IQSEC1: variants seen among roughly 807,000 people sequenced by gnomAD.
IQSEC1 encodes the protein IQ motif and Sec7 domain ArfGEF 1.
In IQSEC1, 31 loss-of-function variants were observed where a neutral mutation model predicts 91.0. That is an observed-to-expected ratio of 0.34 (90% CI 0.26 to 0.46). The LOEUF (loss-of-function observed/expected upper bound fraction) is 0.46. IQSEC1 is among the 20% of genes least tolerant of loss of function. The pLI is 1.00. For missense variants in IQSEC1, 1,388 were observed against 1,575.6 expected, an observed-to-expected ratio of 0.88 and a Z score of 2.02; for synonymous variants, 699 against 662.6, an observed-to-expected ratio of 1.05 and a Z score of -0.84.
intron 1 of IQSEC1, among the ~76,000 whole-genome samples, chr3:13,057,020 G>T (rs1409203213): frequency 6.6e-6 from 1 of 151,994 alleles, no homozygotes; most frequent in Non-Finnish European, 1.5e-5. Flanking sequence ...CCCCTTATAG[G>T]ATTTCTTTAT....
In IQSEC1 at chr3:12,908,201, G is replaced by T; in HGVS notation, c.2755+148C>A. On this transcript the variant is annotated intron_variant, in intron 12 of 13. Transcript: ENST00000613206. This position sits in a 1 kb window ranked among gnomAD's most constrained non-coding sequence, Gnocchi z 4.9. ...GGGGCGCCCTTTCTGTATGTCACAC[G>T]CTGCTCTGCTTTGCGGAAGGTCAGG... 1.3e-6 allele frequency: 1 copy of T among 771,322 alleles called. No homozygotes were observed. Among genetic ancestry groups the T allele is most frequent in the Non-Finnish European group, 2.0e-6 (1 of 491,060 alleles). 47.8% of individuals were successfully genotyped at this position (771,322 alleles called of 1,614,324 possible).
chr3:13,216,951 C>A (rs1310057795), intron 1 of IQSEC1, among the ~76,000 whole-genome samples: 1 of 152,130 alleles, frequency 6.6e-6, no homozygotes, highest in Non-Finnish European at 1.5e-5. Context: ...ACGACGCAGG[C>A]AAGGTGAACA....
At chr3:13,011,726 T>C (rs1258679172) in intron 1 of IQSEC1, among the ~76,000 whole-genome samples, 3 of 152,264 alleles carry the variant, frequency 2.0e-5, no homozygotes, top group African/African-American at 7.2e-5. Flanking sequence ...TTCACACCCC[T>C]GTTCTGTAGG....
At chr3:12,927,194 T>C (rs188119409) in intron 3 of IQSEC1, among the ~76,000 whole-genome samples, 193 of 152,336 alleles carry the variant, frequency 1.3e-3, no homozygotes, top group Middle Eastern at 6.8e-3. Context: ...GGGTTTTCTT[T>C]GGCCCACACA....
intron 1 of IQSEC1, among the ~76,000 whole-genome samples, chr3:13,206,450 C>T (rs1225653579): frequency 6.6e-6 from 1 of 152,132 alleles, no homozygotes; most frequent in African/African-American, 2.4e-5. Flanking sequence ...ACGATATGCC[C>T]ATCAGAGTGG....
chr3:13,221,504 T>C (rs1694659452), intron 1 of IQSEC1, among the ~76,000 whole-genome samples: 1 of 152,150 alleles, frequency 6.6e-6, no homozygotes. Flanking sequence ...ACCTGTGGAC[T>C]CCCACCCCAA....
chr3:12,924,755 G>A lies in IQSEC1; in HGVS notation c.1569-13C>T, dbSNP rs539292549. Reference sequence around the variant, plus strand: ...CTTCTCAGGCTTCCTGGGGTAGGACGAGAGGCACACTCAGTCCCAGCTGCC... The same window carrying A: ...CTTCTCAGGCTTCCTGGGGTAGGACAAGAGGCACACTCAGTCCCAGCTGCC... On this transcript the variant is annotated splice_polypyrimidine_tract_variant and intron_variant, in intron 3 of 13. Coordinates refer to ENST00000613206, the MANE Select transcript of IQSEC1 (RefSeq NM_001134382.3). This position sits in a 1 kb window ranked among gnomAD's most constrained non-coding sequence, Gnocchi z 6.3. 1.2e-4 allele frequency: 183 copies of A among 1,551,688 alleles called. No homozygotes were observed. In the South Asian group the frequency reaches 1.3e-3, roughly 11 times the overall value.
At chr3:13,222,758 T>C (rs550098406) in intron 1 of IQSEC1, among the ~76,000 whole-genome samples, 1 of 152,184 alleles carries the variant, frequency 6.6e-6, no homozygotes, top group Admixed American at 6.5e-5. Context: ...CTCCTCAGAG[T>C]GCTCGATGTG....
At chr3:13,096,470 C>A (rs992834104) in intron 2 of IQSEC1, among the ~76,000 whole-genome samples, 1 of 152,206 alleles carries the variant, frequency 6.6e-6, no homozygotes, top group Non-Finnish European at 1.5e-5. Context: ...GATTCGCAGT[C>A]TAGCAAGAAT....
chr3:13,007,669 C>T (rs929588229), intron 1 of IQSEC1, among the ~76,000 whole-genome samples: 12 of 152,362 alleles, frequency 7.9e-5, no homozygotes, highest in Admixed American at 3.9e-4. Flanking sequence ...TCACCCATTT[C>T]GCACTTGAAA....
In IQSEC1 at chr3:12,927,420, C is replaced by A. The variant is rs138318982; in HGVS notation, c.1569-2678G>T. Among the ~76,000 whole-genome samples, 1,092 of 133,622 alleles carry A rather than the reference C, an allele frequency of 8.2e-3. 18 individuals are homozygous for A. Among genetic ancestry groups the A allele is most frequent in the African/African-American group, 0.034 (1,054 of 31,456 alleles). 87.7% of individuals were successfully genotyped at this position (133,622 alleles called of 152,430 possible). A position where few individuals can be genotyped will look rare whatever the true frequency, so the allele number is the denominator to read the frequency against. On this transcript the variant is annotated intron_variant, in intron 3 of 13. Coordinates refer to ENST00000613206, the MANE Select transcript of IQSEC1 (RefSeq NM_001134382.3). ...ACACAGGTGCATGCTCTAACTCCAC[C>A]CAGGCTGTCTGGTCCCTTCCCCACA...
chr3:13,124,103 G>T (rs924800814), intron 2 of IQSEC1, among the ~76,000 whole-genome samples: 1 of 152,194 alleles, frequency 6.6e-6, no homozygotes, highest in Non-Finnish European at 1.5e-5. Context: ...CAACTGCTTC[G>T]TTCCACAGAA....
intron 1 of IQSEC1, among the ~76,000 whole-genome samples, chr3:13,261,895 C>G (rs189575009): frequency 3.2e-4 from 48 of 152,362 alleles, no homozygotes; most frequent in African/African-American, 1.1e-3. Flanking sequence ...ATGCCGTGCT[C>G]TGGGATTTTA....
chr3:13,263,427 TGGGGGG>T (rs74458928), intron 1 of IQSEC1, among the ~76,000 whole-genome samples: 1 of 102,866 alleles, frequency 9.7e-6, no homozygotes, highest in African/African-American at 3.2e-5. Flanking sequence ...CTTTTTTTTT[TGGGGGG>T]GGGGGGAAAG....
At chr3:13,219,957 G>A (rs1234033936) in intron 1 of IQSEC1, among the ~76,000 whole-genome samples, 1 of 152,224 alleles carries the variant, frequency 6.6e-6, no homozygotes, top group African/African-American at 2.4e-5. Context: ...CTCCAGGCGT[G>A]GCAACTCCTC....
chr3:13,058,644 C>A (rs1484465343), intron 1 of IQSEC1, among the ~76,000 whole-genome samples: 2 of 152,282 alleles, frequency 1.3e-5, no homozygotes, highest in Middle Eastern at 3.4e-3. Flanking sequence ...GAGAACCCAC[C>A]CCCAGCCTGT....
chr3:12,913,283 G>T, intron 9 of IQSEC1, 145 bp downstream of exon 9: 2 of 783,320 alleles, frequency 2.6e-6, no homozygotes, highest in Non-Finnish European at 3.9e-6. Context: ...CTGTCTTCAT[G>T]TGCATCAGTG....
rs1693811628 is a variant in IQSEC1, at chr3:12,897,925, G to GTAAAA, written c.*3057_*3058insTTTTA. ...TTTTTACATTGTTGTACAATTCATT[G>GTAAAA]GTAAACTTAAAAAAATACAAATACA... On this transcript the variant is annotated 3_prime_UTR_variant, in exon 14 of 14. Coordinates refer to ENST00000613206, the MANE Select transcript of IQSEC1 (RefSeq NM_001134382.3). The GTAAAA allele has an allele frequency of 6.6e-6, 1 of 152,268 alleles. No individual in the cohort carries two copies. The highest frequency in any genetic ancestry group is 1.9e-4 in the East Asian group (1 of 5,194). 9.4% of individuals were successfully genotyped at this position (152,268 alleles called of 1,614,324 possible).
intron 1 of IQSEC1, among the ~76,000 whole-genome samples, chr3:12,964,882 T>C (rs1055623741): frequency 6.6e-6 from 1 of 152,180 alleles, no homozygotes; most frequent in Non-Finnish European, 1.5e-5. Flanking sequence ...GGGTACCCTG[T>C]CCAATACTGT....
Sources: allele counts gnomAD v4.1 joint callset (sites outside exome capture counted in the v4.1 genomes callset), GRCh38; gene constraint gnomAD v4.1.1; non-coding constraint Gnocchi (gnomAD v3.1); transcripts MANE v1.5; gene names NCBI Gene and HGNC (gene_info 2026-07-23, HGNC 2026-07-21).